Variants in TMEM132D observed in about 807,000 individuals in gnomAD.
TMEM132D encodes transmembrane protein 132D.
In TMEM132D, 21 loss-of-function variants were observed where a neutral mutation model predicts 62.3. That is an observed-to-expected ratio of 0.34 (90% CI 0.24 to 0.49). TMEM132D has a LOEUF of 0.49. Among genes scored for constraint, TMEM132D ranks in the 20% least tolerant of loss-of-function variants. The pLI is 0.99. For synonymous variants in TMEM132D, 621 were observed against 575.6 expected (o/e 1.08, Z -1.13); for missense variants, 1,346 against 1,402.8 (o/e 0.96, Z 0.65).
chr12:129,392,590 C>T (rs917725158), intron 3 of TMEM132D, among the ~76,000 whole-genome samples: 5 of 152,166 alleles, frequency 3.3e-5, no homozygotes, highest in South Asian at 2.1e-4. Flanking sequence ...GTGTGGTCCC[C>T]GGGCCAGTGG....
intron 3 of TMEM132D, among the ~76,000 whole-genome samples, chr12:129,422,218 A>G (rs375564924): frequency 1.3e-5 from 2 of 152,204 alleles, no homozygotes; most frequent in East Asian, 3.8e-4. Flanking sequence ...ACAAAAAAAG[A>G]ATATCTATAC....
At chr12:129,561,530 G>T (rs2137113527) in intron 2 of TMEM132D, among the ~76,000 whole-genome samples, 1 of 152,296 alleles carries the variant, frequency 6.6e-6, no homozygotes, top group East Asian at 1.9e-4. Context: ...GACTCCCCGA[G>T]ATAGTGCTGG....
intron 2 of TMEM132D, among the ~76,000 whole-genome samples, chr12:129,586,025 T>G (rs974173161): frequency 1.3e-4 from 20 of 152,038 alleles, no homozygotes; most frequent in Non-Finnish European, 2.9e-5. Flanking sequence ...GAAATAAGAA[T>G]AGACAAATAG....
At chr12:129,625,650 G>A in intron 2 of TMEM132D, among the ~76,000 whole-genome samples, 1 of 152,210 alleles carries the variant, frequency 6.6e-6, no homozygotes, top group Admixed American at 6.5e-5. Context: ...ACAGAGTGTG[G>A]ATGAGATCTG....
intron 4 of TMEM132D, among the ~76,000 whole-genome samples, chr12:129,248,123 AG>A (rs1412353587): frequency 6.6e-6 from 1 of 152,228 alleles, no homozygotes; most frequent in Admixed American, 6.5e-5. Flanking sequence ...AATAATTCTC[AG>A]TAATTTTAAC....
intron 3 of TMEM132D, among the ~76,000 whole-genome samples, chr12:129,466,440 C>T (rs1486902618): frequency 6.6e-6 from 1 of 151,866 alleles, no homozygotes; most frequent in Admixed American, 6.6e-5. Context: ...CGTCCTAAGC[C>T]TCTCAAGTAG....
At chr12:129,394,670 G>A (rs529752879) in intron 3 of TMEM132D, among the ~76,000 whole-genome samples, 1 of 152,366 alleles carries the variant, frequency 6.6e-6, no homozygotes, top group Admixed American at 6.5e-5. Context: ...GGGCTGGACT[G>A]TGCACATACA....
At chr12:129,206,733 A>G (rs1365637481) in intron 5 of TMEM132D, among the ~76,000 whole-genome samples, 1 of 152,250 alleles carries the variant, frequency 6.6e-6, no homozygotes, top group Non-Finnish European at 1.5e-5. Flanking sequence ...CTGGATAAAG[A>G]AAATGTGGTA....
intron 1 of TMEM132D, among the ~76,000 whole-genome samples, chr12:129,871,478 T>A (rs1320824083): frequency 6.6e-6 from 1 of 151,996 alleles, no homozygotes; most frequent in African/African-American, 2.4e-5. Context: ...AGGCAACGAA[T>A]CCCCCTTTCT....
At chr12:129,764,264 G>A (rs944076648) in intron 1 of TMEM132D, among the ~76,000 whole-genome samples, 2 of 152,090 alleles carry the variant, frequency 1.3e-5, no homozygotes, top group African/African-American at 4.8e-5. Flanking sequence ...TACAATTTGT[G>A]TTGATACCCC....
intron 1 of TMEM132D, among the ~76,000 whole-genome samples, chr12:129,876,938 T>C (rs1320690179): frequency 6.6e-6 from 1 of 152,252 alleles, no homozygotes; most frequent in African/African-American, 2.4e-5. Flanking sequence ...CCTCACTATA[T>C]GAACTGATAC....
At chr12:129,522,732 A>G (rs371651631) in intron 3 of TMEM132D, 4 of 141,012 alleles carry the variant, frequency 2.8e-5, no homozygotes, top group South Asian at 5.0e-4. Flanking sequence ...AGTGACTGCA[A>G]ATGTTCATGA....
intron 4 of TMEM132D, among the ~76,000 whole-genome samples, chr12:129,273,282 C>A (rs1045320755): frequency 2.0e-5 from 3 of 151,654 alleles, no homozygotes; most frequent in African/African-American, 7.3e-5. Flanking sequence ...AATGCTTATT[C>A]ATTGTTGATG....
chr12:129,839,451 C>T (rs1054170658), intron 1 of TMEM132D, among the ~76,000 whole-genome samples: 2 of 151,508 alleles, frequency 1.3e-5, no homozygotes, highest in African/African-American at 4.9e-5. Context: ...TTAGTAGAGA[C>T]AGGGTTTCAC....
intron 3 of TMEM132D, among the ~76,000 whole-genome samples, chr12:129,403,050 G>A (rs910924451): frequency 3.3e-5 from 5 of 151,980 alleles, no homozygotes; most frequent in African/African-American, 1.2e-4. Context: ...AAGTTTTCCA[G>A]GATTGTGGCA....
intron 5 of TMEM132D, among the ~76,000 whole-genome samples, chr12:129,137,886 A>T (rs1012227778): frequency 5.1e-4 from 73 of 142,836 alleles, no homozygotes; most frequent in African/African-American, 1.9e-3. Flanking sequence ...TGAGCAAATA[A>T]GAGGTTTTTT....
At chr12:129,343,761 CAAAAAAAAA>C (rs1869590547) in intron 3 of TMEM132D, among the ~76,000 whole-genome samples, 2 of 133,226 alleles carry the variant, frequency 1.5e-5, no homozygotes, top group Non-Finnish European at 3.2e-5. Flanking sequence ...ACAAAAAAAA[CAAAAAAAAA>C]CAAAAAAAAA....
intron 3 of TMEM132D, among the ~76,000 whole-genome samples, chr12:129,471,381 C>T (rs2137047290): frequency 6.6e-6 from 1 of 152,100 alleles, no homozygotes; most frequent in Non-Finnish European, 1.5e-5. Flanking sequence ...GATCATTGAT[C>T]TTCTGTGTCA....
intron 4 of TMEM132D, among the ~76,000 whole-genome samples, chr12:129,268,218 A>C (rs919304634): frequency 6.6e-6 from 1 of 152,252 alleles, no homozygotes; most frequent in Non-Finnish European, 1.5e-5. Flanking sequence ...TCTGCACAGC[A>C]AAAGAAACCA....
Sources: allele counts gnomAD v4.1 joint callset (sites outside exome capture counted in the v4.1 genomes callset), GRCh38; gene constraint gnomAD v4.1.1; transcripts MANE v1.5; gene names NCBI Gene and HGNC (gene_info 2026-07-23, HGNC 2026-07-21).